The following LRP1B variants were observed in gnomAD, a reference collection of about 807,000 sequenced individuals.
LRP1B encodes the protein LDL receptor related protein 1B.
LRP1B carries 217 observed loss-of-function variants against 556.6 expected under a neutral mutation model. The ratio of observed to expected loss-of-function variants is 0.39; its 90% CI spans 0.35 to 0.44. The LOEUF (loss-of-function observed/expected upper bound fraction) is 0.44. LRP1B is among the 20% of genes least tolerant of loss of function. The pLI is 1.00. For missense variants in LRP1B, 5,053 were observed against 5,620.8 expected (o/e 0.90, Z 3.23); for synonymous variants, 2,047 against 1,865.8 (o/e 1.10, Z -2.50).
chr2:140,385,989 G>T lies in LRP1B; in HGVS notation c.10435C>A (p.His3479Asn). Reference sequence around the variant, plus strand: ...TTGTTGTTTTTACACTGGAATTCATGAGGTCCACAAGTCTTTTTATCTGTA... The same window carrying T: ...TTGTTGTTTTTACACTGGAATTCATTAGGTCCACAAGTCTTTTTATCTGTA... ...ANCDKKTCGP[H>N]EFQCKNNNCI... The change falls in exon 67 of 91, where the codon CAT (histidine) becomes AAT (asparagine). Residue 3479 changes from histidine (H) to asparagine (N), a missense_variant. Transcript: ENST00000389484. 1 of 1,611,964 alleles carries T rather than the reference G, an allele frequency of 6.2e-7. No individual in the cohort carries two copies. The highest frequency in any genetic ancestry group is 1.3e-5 in the African/African-American group (1 of 75,008).
chr2:142,036,015 C>T lies in LRP1B; in HGVS notation c.82+94633G>A, dbSNP rs376227206. ...CATGTAAGAAGTGCTTTTTACCTCC[C>T]GCCGTGATTCTGAGGCCTCCCCAGC... On this transcript the variant is annotated intron_variant, in intron 1 of 90. Transcript: ENST00000389484. Among the ~76,000 whole-genome samples the T allele has an allele frequency of 2.6e-5, 4 of 151,596 alleles. No individual in the cohort carries two copies. In the East Asian group the frequency reaches 5.8e-4, roughly 22 times the overall value.
At chr2:140,917,755 T>C (rs1432071765) in intron 21 of LRP1B, among the ~76,000 whole-genome samples, 1 of 152,116 alleles carries the variant, frequency 6.6e-6, no homozygotes, top group East Asian at 1.9e-4. Flanking sequence ...CTTGATACTA[T>C]AATGATGGAT....
rs1055356997 is a variant in LRP1B at position 140,883,872 on chromosome 2, G to A, written c.4114C>T (p.Leu1372=). 1 of 1,613,776 alleles carries A rather than the reference G, an allele frequency of 6.2e-7. No individual in the cohort carries two copies. The highest frequency in any genetic ancestry group is 8.5e-7 in the Non-Finnish European group (1 of 1,179,926). ...GGGTGTTCCATGGCTCCTGCTATTAGTGTAGTTCTTAGGGAGCCATCTAGT... is the reference window on the plus strand; with the variant it reads ...GGGTGTTCCATGGCTCCTGCTATTAATGTAGTTCTTAGGGAGCCATCTAGT... ...AKLDGSLRTT[L]IAGAMEHPRA... is the part of the protein sequence containing the mutation. Residue 1372 remains leucine (L), a synonymous_variant, in exon 25 of 91, where the codon CTA becomes TTA. Transcript: ENST00000389484.
intron 90 of LRP1B, 69 bp from the exon 91 acceptor site, chr2:140,233,395 A>G: frequency 9.5e-7 from 1 of 1,054,692 alleles, no homozygotes; most frequent in Non-Finnish European, 1.3e-6. Context: ...TACTTCCTAG[A>G]ATGTCCATCT....
chr2:140,761,893 T>C (rs1261559869), intron 35 of LRP1B, among the ~76,000 whole-genome samples: 2 of 152,186 alleles, frequency 1.3e-5, no homozygotes, highest in Admixed American at 1.3e-4. Context: ...AATAGATAAC[T>C]AATTTAAACA....
chr2:141,196,999 T>A (rs768829614), intron 6 of LRP1B, among the ~76,000 whole-genome samples: 4 of 152,130 alleles, frequency 2.6e-5, no homozygotes, highest in Non-Finnish European at 5.9e-5. Flanking sequence ...AAATGGGAGT[T>A]CCCCTGCACA....
intron 20 of LRP1B, among the ~76,000 whole-genome samples, chr2:140,924,859 A>G (rs996614502): frequency 6.6e-6 from 1 of 152,086 alleles, no homozygotes; most frequent in Admixed American, 6.6e-5. Flanking sequence ...CACAAGGGGG[A>G]GATATATATA....
chr2:140,743,558 A>ATAAGGT (rs924840152), intron 35 of LRP1B, among the ~76,000 whole-genome samples: 1 of 152,170 alleles, frequency 6.6e-6, no homozygotes, highest in Non-Finnish European at 1.5e-5. Context: ...GCACCTCCTC[A>ATAAGGT]TAAGGTTCTG....
chr2:141,014,634 A>G (rs1316374004), intron 13 of LRP1B, among the ~76,000 whole-genome samples: 1 of 152,052 alleles, frequency 6.6e-6, no homozygotes, highest in African/African-American at 2.4e-5. Context: ...CTTTTAACTG[A>G]ATTCTTCTCA....
At chr2:141,472,267 C>G (rs534078759) in intron 3 of LRP1B, among the ~76,000 whole-genome samples, 3 of 152,208 alleles carry the variant, frequency 2.0e-5, no homozygotes, top group Non-Finnish European at 4.4e-5. Context: ...TAAAATTGGC[C>G]GGACACAGTG....
Position 141,712,718 on chromosome 2 carries a change from A to G in LRP1B, c.205+97561T>C, listed in dbSNP as rs746055863. On this transcript the variant is annotated intron_variant, in intron 2 of 90. Coordinates refer to ENST00000389484, the MANE Select transcript of LRP1B (RefSeq NM_018557.3). ...GAGTTTCACTCTTGTTGCCCCGGCT[A>G]GAGTACAGTGGTGTGATCTTGGCTC... 2.0e-5 allele frequency among the ~76,000 whole-genome samples: 3 copies of G among 151,796 alleles called. No homozygotes were observed. In the East Asian group the frequency reaches 5.8e-4, roughly 29 times the overall value.
chr2:141,077,797 G>T (rs867653107), intron 7 of LRP1B, among the ~76,000 whole-genome samples: 2 of 152,048 alleles, frequency 1.3e-5, no homozygotes, highest in Non-Finnish European at 2.9e-5. Context: ...TTTCTTAAAA[G>T]AAATCTCTCT....
intron 18 of LRP1B, among the ~76,000 whole-genome samples, chr2:140,977,540 G>A (rs546709545): frequency 5.3e-5 from 8 of 152,214 alleles, no homozygotes; most frequent in African/African-American, 1.9e-4. Flanking sequence ...AAATACACAT[G>A]GTACAAGGAT....
intron 1 of LRP1B, among the ~76,000 whole-genome samples, chr2:141,821,999 T>C (rs1325946447): frequency 2.0e-5 from 3 of 151,880 alleles, no homozygotes; most frequent in African/African-American, 7.3e-5. Context: ...GAAACACTGG[T>C]AGGTTTCTTG....
chr2:140,570,410 A>C (rs1477946426), intron 43 of LRP1B, among the ~76,000 whole-genome samples: 2 of 151,722 alleles, frequency 1.3e-5, no homozygotes, highest in African/African-American at 4.8e-5. Flanking sequence ...CATACTGACA[A>C]ATTGGAAAAC....
At chr2:141,088,240 A>G (rs1422684601) in intron 7 of LRP1B, among the ~76,000 whole-genome samples, 1 of 152,178 alleles carries the variant, frequency 6.6e-6, no homozygotes, top group Non-Finnish European at 1.5e-5. Flanking sequence ...TTTTACATCT[A>G]AATTTCTTAG....
Position 140,358,924 on chromosome 2 carries a change from C to G in LRP1B, c.11154G>C (p.Thr3718=), listed in dbSNP as rs544495107. 2 of 1,607,558 alleles carry G rather than the reference C, an allele frequency of 1.2e-6. No homozygotes were observed. The highest frequency in any genetic ancestry group is 2.2e-5 in the South Asian group (2 of 90,822). The change falls in exon 73 of 91, where the codon ACG becomes ACC. Residue 3718 remains threonine, a synonymous_variant. Transcript: ENST00000389484. ...TGTTATTTCTGCATCTGTGAGGTCTCGTGGATGGACAAAGAAATTTGACTG... is the reference window on the plus strand; with the variant it reads ...TGTTATTTCTGCATCTGTGAGGTCTGGTGGATGGACAAAGAAATTTGACTG... The part of the protein sequence containing the change: ...DMCVKFLCPS[T]RPHRCRNNRI...
chr2:140,348,397 T>C (rs1026278638), intron 77 of LRP1B, among the ~76,000 whole-genome samples: 7 of 152,106 alleles, frequency 4.6e-5, no homozygotes, highest in African/African-American at 1.4e-4. Context: ...ATTTGGCTTA[T>C]AGTGCTAAAA....
Position 141,027,445 on chromosome 2 carries a change from G to T in LRP1B, c.1790-7343C>A, listed in dbSNP as rs138263717. Among the ~76,000 whole-genome samples, 76 of 152,118 alleles carry T rather than the reference G, an allele frequency of 5.0e-4. No homozygotes were observed. The East Asian group carries it at 0.014, about 27-fold the overall frequency. On this transcript the variant is annotated intron_variant, in intron 11 of 90. Coordinates refer to ENST00000389484, the MANE Select transcript of LRP1B (RefSeq NM_018557.3). ...CATTTCTTACTAAAATACATCTGAT[G>T]ACTAACAATGTAGAGATTTAACAAA...
Sources: allele counts gnomAD v4.1 joint callset (sites outside exome capture counted in the v4.1 genomes callset), GRCh38; gene constraint gnomAD v4.1.1; transcripts MANE v1.5; gene names NCBI Gene and HGNC (gene_info 2026-07-23, HGNC 2026-07-21).